The following TNPO1 variants were observed in gnomAD, a reference collection of about 807,000 sequenced individuals.
The protein encoded by TNPO1 is transportin-1.
Under a neutral mutation model 119.5 loss-of-function variants are expected in TNPO1, and 8 were observed. That is an observed-to-expected ratio of 0.07 (90% CI 0.04 to 0.12). TNPO1 has a LOEUF of 0.12. TNPO1 is among the 10% of genes least tolerant of loss of function. The pLI is 1.00. For synonymous variants in TNPO1, 362 were observed against 363.0 expected (o/e 1.00, Z 0.03); for missense variants, 576 against 1,089.8 (o/e 0.53, Z 6.64).
At chr5:72,840,467 C>G (rs553788327) in intron 1 of TNPO1, among the ~76,000 whole-genome samples, 4 of 152,250 alleles carry the variant, frequency 2.6e-5, no homozygotes, top group Admixed American at 1.3e-4. Flanking sequence ...ATGGTTCAGA[C>G]TTTGGAATCA....
Position 72,854,488 on chromosome 5 carries a change from A to G in TNPO1, c.206-1286A>G, listed in dbSNP as rs540688034. The stretch of plus-strand genomic sequence containing the variant: ...AAGACGGGTAAAACAATGGTTTTAC[A>G]ATAACATTCTGTTCAACATGCCAGC... On this transcript the variant is annotated intron_variant, in intron 3 of 24. Coordinates refer to ENST00000337273, the MANE Select transcript of TNPO1 (RefSeq NM_002270.4). Among the ~76,000 whole-genome samples, 8 of 152,352 alleles carry G rather than the reference A, an allele frequency of 5.3e-5. No homozygotes were observed. The East Asian group carries it at 1.5e-3, about 29-fold the overall frequency.
intron 2 of TNPO1, among the ~76,000 whole-genome samples, chr5:72,849,296 A>G (rs1745374166): frequency 6.6e-6 from 1 of 152,208 alleles, no homozygotes; most frequent in Non-Finnish European, 1.5e-5. Flanking sequence ...TGCTTTCTGT[A>G]GTGCCCTAAA....
intron 9 of TNPO1, among the ~76,000 whole-genome samples, chr5:72,881,924 C>CA (rs899229008): frequency 3.3e-5 from 5 of 152,090 alleles, no homozygotes; most frequent in Non-Finnish European, 7.4e-5. Context: ...CTTCAAAAAA[C>CA]AAAAAAACTC....
chr5:72,868,756 T>TA (rs1330995911), intron 6 of TNPO1, among the ~76,000 whole-genome samples: 1 of 151,844 alleles, frequency 6.6e-6, no homozygotes, highest in African/African-American at 2.4e-5. Flanking sequence ...AAGTTGCAGT[T>TA]ACTTAAAGTT....
chr5:72,858,674 A>G (rs989716472), intron 4 of TNPO1, among the ~76,000 whole-genome samples: 7 of 152,132 alleles, frequency 4.6e-5, no homozygotes, highest in African/African-American at 1.7e-4. Context: ...CGTCTCTACT[A>G]AAAATACAAA....
intron 6 of TNPO1, 119 bp from the exon 7 acceptor site, chr5:72,872,520 T>G (rs376786707): frequency 1.4e-5 from 8 of 585,750 alleles, no homozygotes; most frequent in African/African-American, 5.7e-5. Context: ...CGTATTCTTT[T>G]TAGTGGGTAT....
chr5:72,879,779 G>A (rs1290461558), intron 9 of TNPO1, among the ~76,000 whole-genome samples: 3 of 152,184 alleles, frequency 2.0e-5, no homozygotes, highest in African/African-American at 7.2e-5. Context: ...GAAATAACTT[G>A]TTTTTCCTAT....
In TNPO1 at chr5:72,888,307, G is replaced by A. The variant is rs776405661; in HGVS notation, c.1529+4G>A. The A allele has an allele frequency of 6.2e-7, 1 of 1,611,904 alleles. No individual in the cohort carries two copies. The highest frequency in any genetic ancestry group is 1.1e-5 in the South Asian group (1 of 90,998). On this transcript the variant is annotated splice_donor_region_variant and intron_variant, in intron 13 of 24. Transcript: ENST00000337273. ...GAGTACAAGAAGCTGCCTGCAGGTG[G>A]GACAGATTCATAACACAGTGTTCTT...
In TNPO1 at chr5:72,888,141, C is replaced by T. The variant is rs1263937911; in HGVS notation, c.1367C>T (p.Ser456Phe). ...ATTCCTCACCTTATTCAGTGCCTCTCTGATAAAAAGGCTCTTGTGCGTTCC... is the reference window on the plus strand; with the variant it reads ...ATTCCTCACCTTATTCAGTGCCTCTTTGATAAAAAGGCTCTTGTGCGTTCC... ...ELIPHLIQCL[S>F]DKKALVRSIT... The change falls in exon 13 of 25, where the codon TCT becomes TTT. Residue 456 changes from serine (S) to phenylalanine (F), a missense_variant. Ser to Phe is a radical substitution (Grantham distance 155, BLOSUM62 -2). Coordinates refer to ENST00000337273, the MANE Select transcript of TNPO1 (RefSeq NM_002270.4). 1 of 1,614,054 alleles carries T rather than the reference C, an allele frequency of 6.2e-7. No individual in the cohort carries two copies. The highest frequency in any genetic ancestry group is 1.3e-5 in the African/African-American group (1 of 74,916).
intron 6 of TNPO1, among the ~76,000 whole-genome samples, chr5:72,869,522 G>A (rs1295463687): frequency 6.6e-6 from 1 of 152,126 alleles, no homozygotes; most frequent in Admixed American, 6.5e-5. Flanking sequence ...ACTCCCTCCT[G>A]GGTGACAGAG....
chr5:72,881,345 G>A (rs577383076), intron 9 of TNPO1, among the ~76,000 whole-genome samples: 1 of 152,054 alleles, frequency 6.6e-6, no homozygotes, highest in East Asian at 1.9e-4. Context: ...TCCTGACCTC[G>A]TGATCCGCTC....
At chr5:72,841,750 A>G (rs1218392762) in intron 1 of TNPO1, among the ~76,000 whole-genome samples, 1 of 152,126 alleles carries the variant, frequency 6.6e-6, no homozygotes, top group African/African-American at 2.4e-5. Context: ...CTTTCCCTTC[A>G]TACCTGAACT....
At chr5:72,859,695 T>C (rs1580408602) in intron 4 of TNPO1, among the ~76,000 whole-genome samples, 1 of 152,332 alleles carries the variant, frequency 6.6e-6, no homozygotes, top group African/African-American at 2.4e-5. Context: ...ATTATTTCAA[T>C]GAATATTCTC....
chr5:72,870,862 AT>A (rs940309875), intron 6 of TNPO1, among the ~76,000 whole-genome samples: 10 of 151,990 alleles, frequency 6.6e-5, no homozygotes, highest in Non-Finnish European at 1.3e-4. Flanking sequence ...ACTTTATTGT[AT>A]TTTTTTTCCA....
chr5:72,864,416 T>C (rs1746727085), intron 5 of TNPO1, among the ~76,000 whole-genome samples: 1 of 152,132 alleles, frequency 6.6e-6, no homozygotes, highest in Non-Finnish European at 1.5e-5. Context: ...GTATAAACAG[T>C]AAAGTAGGTG....
chr5:72,861,163 G>A (rs1303071127), intron 4 of TNPO1, among the ~76,000 whole-genome samples: 1 of 151,978 alleles, frequency 6.6e-6, no homozygotes, highest in Non-Finnish European at 1.5e-5. Flanking sequence ...CACCCACCTC[G>A]GCCTCCCAAA....
rs991549540 is a variant in TNPO1 at position 72,911,821 on chromosome 5, G to C, written c.*3148G>C. Reference sequence around the variant, plus strand: ...ATGTTGTAGGAACCTCAGGAGGTCAGTGTTTACTGTTTTATATATGCCTTC... The same window carrying C: ...ATGTTGTAGGAACCTCAGGAGGTCACTGTTTACTGTTTTATATATGCCTTC... On this transcript the variant is annotated 3_prime_UTR_variant, in exon 25 of 25. Coordinates refer to ENST00000337273, the MANE Select transcript of TNPO1 (RefSeq NM_002270.4). 1 of 152,524 alleles carries C rather than the reference G, an allele frequency of 6.6e-6. No homozygotes were observed. The highest frequency in any genetic ancestry group is 1.5e-5 in the Non-Finnish European group (1 of 67,946). The allele number at this position is 152,524 out of a possible 1,614,324, so 9.4% of individuals were successfully genotyped here.
chr5:72,822,976 A>G (rs920160646), intron 1 of TNPO1, among the ~76,000 whole-genome samples: 14 of 125,296 alleles, frequency 1.1e-4, no homozygotes, highest in African/African-American at 4.1e-4. Context: ...AGTGGGGTCT[A>G]TGCTTTTTCT....
chr5:72,875,555 T>C (rs1286080110), intron 7 of TNPO1, 60 bp from the exon 8 acceptor site: 14 of 1,548,936 alleles, frequency 9.0e-6, no homozygotes, highest in Non-Finnish European at 1.1e-5. Flanking sequence ...ACTTGCAGAT[T>C]ACTTATTACT....
Sources: allele counts gnomAD v4.1 joint callset (sites outside exome capture counted in the v4.1 genomes callset), GRCh38; gene constraint gnomAD v4.1.1; transcripts MANE v1.5; gene names NCBI Gene and HGNC (gene_info 2026-07-23, HGNC 2026-07-21).